CASP8: variants seen among roughly 807,000 people sequenced by gnomAD.
CASP8 encodes the protein caspase-8.
CASP8 carries 24 observed loss-of-function variants against 46.3 expected under a neutral mutation model. The ratio of observed to expected loss-of-function variants is 0.52; its 90% CI spans 0.38 to 0.73. CASP8 has a LOEUF of 0.73. Ranked by LOEUF, CASP8 falls within the 30% of genes least tolerant of loss-of-function variation. CASP8 has a pLI of 0.00. For missense variants in CASP8, 460 were observed against 559.0 expected (o/e 0.82, Z 1.79); for synonymous variants, 188 against 200.4 (o/e 0.94, Z 0.52).
At chr2:201,279,321 G>T (rs1379379482) in intron 7 of CASP8, among the ~76,000 whole-genome samples, 1 of 152,172 alleles carries the variant, frequency 6.6e-6, no homozygotes, top group Non-Finnish European at 1.5e-5. Context: ...GCCCAGCAAA[G>T]GAAGCAATGA....
chr2:201,253,293 C>CTTTTT lies in CASP8; in HGVS notation c.-26-13142_-26-13138dup, dbSNP rs34341476. 4.1e-3 allele frequency among the ~76,000 whole-genome samples: 278 copies of CTTTTT among 67,944 alleles called. 34 individuals are homozygous for CTTTTT. Among genetic ancestry groups the CTTTTT allele is most frequent in the Non-Finnish European group, 5.0e-3 (191 of 38,364 alleles). 44.6% of individuals were successfully genotyped at this position (67,944 alleles called of 152,430 possible). ...TGTGAGCCACTGCACCTAGCCTGAT[C>CTTTTT]TTTTTTTTTTTTTTTTTTTTTTTTT... On this transcript the variant is annotated intron_variant, in intron 2 of 6. Transcript: ENST00000264274.
intron 2 of CASP8, among the ~76,000 whole-genome samples, chr2:201,254,943 T>TA (rs1946949449): frequency 6.6e-6 from 1 of 152,206 alleles, no homozygotes; most frequent in Non-Finnish European, 1.5e-5. Context: ...CCATGCACAT[T>TA]ATTAATTCTG....
chr2:201,237,370 C>T (rs1393429313), intron 2 of CASP8, among the ~76,000 whole-genome samples: 4 of 146,226 alleles, frequency 2.7e-5, no homozygotes, highest in Non-Finnish European at 5.9e-5. Flanking sequence ...GGATTACAGG[C>T]GTGAGCCACC....
chr2:201,270,028 C>G (rs1948131019), intron 2 of CASP8, among the ~76,000 whole-genome samples: 1 of 151,482 alleles, frequency 6.6e-6, no homozygotes. Flanking sequence ...TGAGTAATTT[C>G]TGTTTCTACG....
At chr2:201,271,659 C>A in intron 3 of CASP8, 38 bp downstream of exon 3, 1 of 1,280,528 alleles carries the variant, frequency 7.8e-7, no homozygotes, top group Non-Finnish European at 1.1e-6. Flanking sequence ...AGTCCTGAGA[C>A]TTGGTTAGCC....
intron 2 of CASP8, chr2:201,242,487 A>G (rs1946342778): frequency 6.6e-6 from 1 of 152,176 alleles, no homozygotes; most frequent in South Asian, 2.1e-4. Flanking sequence ...CACTAGTCCC[A>G]TTCATAAGTG....
intron 5 of CASP8, among the ~76,000 whole-genome samples, chr2:201,273,746 C>T (rs1422636391): frequency 6.6e-6 from 1 of 151,732 alleles, no homozygotes; most frequent in Non-Finnish European, 1.5e-5. Flanking sequence ...GCAATCTTGG[C>T]TCACAACAGC....
chr2:201,252,775 T>C (rs1946843037), intron 2 of CASP8, among the ~76,000 whole-genome samples: 1 of 152,224 alleles, frequency 6.6e-6, no homozygotes, highest in Admixed American at 6.5e-5. Context: ...CTTCTAGATC[T>C]ACTGAGAATA....
chr2:201,276,381 T>C (rs1030972466), intron 6 of CASP8, among the ~76,000 whole-genome samples: 1 of 152,152 alleles, frequency 6.6e-6, no homozygotes, highest in African/African-American at 2.4e-5. Flanking sequence ...GAAGCACAGA[T>C]GAGTTCAGTA....
intron 2 of CASP8, among the ~76,000 whole-genome samples, chr2:201,248,060 G>C (rs1217189454): frequency 6.6e-6 from 1 of 152,210 alleles, no homozygotes; most frequent in Non-Finnish European, 1.5e-5. Flanking sequence ...GATTACAGGT[G>C]TGAGTCACTG....
intron 2 of CASP8, among the ~76,000 whole-genome samples, chr2:201,270,658 T>C (rs1335164124): frequency 2.6e-5 from 4 of 151,950 alleles, no homozygotes; most frequent in Non-Finnish European, 5.9e-5. Context: ...GCTTCTGGAG[T>C]AGCTGGGACC....
chr2:201,258,959 A>T (rs1436471614), upstream of CASP8, among the ~76,000 whole-genome samples: 1 of 150,194 alleles, frequency 6.7e-6, no homozygotes, highest in East Asian at 2.0e-4. Context: ...TTTCTTTTGT[A>T]TGTGTACACT....
At chr2:201,282,682 C>T (rs1195398104) in intron 7 of CASP8, among the ~76,000 whole-genome samples, 3 of 77,830 alleles carry the variant, frequency 3.9e-5, no homozygotes, top group East Asian at 7.7e-4. Flanking sequence ...GGCGGCTGGC[C>T]GGGCGGGGGG....
At chr2:201,262,265 A>G (rs139244521) in intron 1 of CASP8, 2 of 152,102 alleles carry the variant, frequency 1.3e-5, no homozygotes, top group Non-Finnish European at 2.9e-5. Context: ...GGACAGTAAT[A>G]GTAGTTTCTT....
At chr2:201,251,057 G>C (rs1238629592) in intron 2 of CASP8, among the ~76,000 whole-genome samples, 1 of 152,094 alleles carries the variant, frequency 6.6e-6, no homozygotes, top group Non-Finnish European at 1.5e-5. Flanking sequence ...TTCAATTAAG[G>C]CTCTTCCATG....
chr2:201,243,640 T>C (rs1327392247), intron 2 of CASP8, among the ~76,000 whole-genome samples: 3 of 152,226 alleles, frequency 2.0e-5, no homozygotes, highest in African/African-American at 4.8e-5. Context: ...TCAAAAATCA[T>C]ATGAATTAGG....
intron 2 of CASP8, among the ~76,000 whole-genome samples, chr2:201,235,472 A>G (rs1286373141): frequency 1.3e-5 from 2 of 152,150 alleles, no homozygotes; most frequent in African/African-American, 4.8e-5. Flanking sequence ...CGTGGCATCA[A>G]TTCACTTTTC....
Position 201,286,501 on chromosome 2 carries a change from A to G in CASP8, c.1347A>G (p.Glu449=), listed in dbSNP as rs2125510528. 1 of 1,613,084 alleles carries G rather than the reference A, an allele frequency of 6.2e-7. No individual in the cohort carries two copies. Among genetic ancestry groups the G allele is most frequent in the Admixed American group, 1.7e-5 (1 of 60,030 alleles). The change falls in exon 9 of 9, where the codon GAA becomes GAG. Residue 449 remains glutamate (E), a synonymous_variant. Transcript: ENST00000673742. ...CCATCCTGACTGAAGTGAACTATGA[A>G]GTAAGCAACAAGGATGACAAGAAAA... ...ILTILTEVNY[E]VSNKDDKKNM...
chr2:201,276,202 G>A (rs1174753083), intron 6 of CASP8, among the ~76,000 whole-genome samples: 1 of 152,124 alleles, frequency 6.6e-6, no homozygotes, highest in African/African-American at 2.4e-5. Flanking sequence ...GTACTATCAG[G>A]TACTACAGTT....
Sources: gnomAD v4.1 joint callset for allele counts (sites outside exome capture counted in the v4.1 genomes callset) on GRCh38, gnomAD v4.1.1 for gene constraint, MANE v1.5 for transcripts, NCBI Gene and HGNC (gene_info 2026-07-23, HGNC 2026-07-21) for gene names.